ZXDC: variants seen among roughly 807,000 people sequenced by gnomAD.
ZXDC encodes zinc finger protein ZXDC.
A neutral mutation model predicts 63.6 loss-of-function variants in ZXDC; 58 were observed. The ratio of observed to expected loss-of-function variants is 0.91; its 90% CI spans 0.74 to 1.13. ZXDC has a LOEUF of 1.13. ZXDC is among the 50% of genes most tolerant of loss of function. The pLI is 0.00. For synonymous variants in ZXDC, 561 were observed against 496.1 expected (o/e 1.13, Z -1.74); for missense variants, 1,133 against 1,148.9 (o/e 0.99, Z 0.20).
chr3:126,442,653 C>T (rs1933726689), intron 7 of ZXDC: 1 of 152,058 alleles, frequency 6.6e-6, no homozygotes, highest in African/African-American at 2.4e-5. Context: ...GAATGCTAGT[C>T]CCAACCTCGG....
At chr3:126,444,224 G>T (rs891945222) in intron 7 of ZXDC, among the ~76,000 whole-genome samples, 4 of 152,174 alleles carry the variant, frequency 2.6e-5, no homozygotes, top group African/African-American at 9.7e-5. Context: ...TAAAAATACT[G>T]AAACATGTTA....
chr3:126,456,557 C>T (rs1934314800), intron 7 of ZXDC, among the ~76,000 whole-genome samples: 3 of 152,242 alleles, frequency 2.0e-5, no homozygotes, highest in Admixed American at 6.5e-5. Context: ...ACACTTGAAG[C>T]GTCACACTAG....
chr3:126,461,029 A>G, intron 6 of ZXDC: 1 of 984,674 alleles, frequency 1.0e-6, no homozygotes, highest in Non-Finnish European at 1.2e-6. Flanking sequence ...CAGCCTCAAA[A>G]CTGGGGAAGT....
Position 126,461,662 on chromosome 3 carries a change from G to A in ZXDC, c.2000C>T (p.Ser667Phe). ...APIKVEPDSPSRPGAVGQQEG... is the reference protein window; with the variant it reads ...APIKVEPDSPFRPGAVGQQEG... ...CTGCTGCCCAACTGCTCCTGGGCGAGAAGGCGAGTCCGGCTCCACCTTGAT... is the reference window on the plus strand; with the variant it reads ...CTGCTGCCCAACTGCTCCTGGGCGAAAAGGCGAGTCCGGCTCCACCTTGAT... The change falls in exon 6 of 10, where the codon TCT becomes TTT. Residue 667 changes from serine to phenylalanine, a missense_variant. By Grantham distance (155) the Ser-to-Phe change is radical. Transcript: ENST00000389709. 1 of 1,613,880 alleles carries A rather than the reference G, an allele frequency of 6.2e-7. No homozygotes were observed. Among genetic ancestry groups the A allele is most frequent in the Non-Finnish European group, 8.5e-7 (1 of 1,180,004 alleles).
At chr3:126,445,807 G>A (rs1489984366) in intron 7 of ZXDC, among the ~76,000 whole-genome samples, 1 of 152,106 alleles carries the variant, frequency 6.6e-6, no homozygotes, top group Non-Finnish European at 1.5e-5. Context: ...CCTGAGCAGG[G>A]TGTTCTGTCC....
At chr3:126,456,045 G>A (rs1934296204) in intron 7 of ZXDC, among the ~76,000 whole-genome samples, 1 of 151,988 alleles carries the variant, frequency 6.6e-6, no homozygotes, top group Non-Finnish European at 1.5e-5. Context: ...AATCCATACT[G>A]CGAATAAGTA....
Position 126,474,947 on chromosome 3 carries a change from G to A in ZXDC, c.907+12C>T, listed in dbSNP as rs1233189216. The A allele has an allele frequency of 1.3e-6, 2 of 1,555,040 alleles. No homozygotes were observed. The highest frequency in any genetic ancestry group is 1.7e-6 in the Non-Finnish European group (2 of 1,147,850). On this transcript the variant is annotated intron_variant, in intron 1 of 9. Transcript: ENST00000389709. ...CACCGCGCAGCCCGCCCGCCCCCGA[G>A]AGCGCGGTTACCGGGAAAGTCACAC...
rs911752143 is a variant in ZXDC at position 126,455,153 on chromosome 3, A to AT, written c.2212+4499dup. The AT allele has an allele frequency of 6.0e-5, 57 of 950,900 alleles. No homozygotes were observed. The African/African-American group carries it at 8.0e-4, about 13-fold the overall frequency. 58.9% of individuals were successfully genotyped at this position (950,900 alleles called of 1,614,324 possible). On this transcript the variant is annotated intron_variant, in intron 7 of 9. Coordinates refer to ENST00000389709, the MANE Select transcript of ZXDC (RefSeq NM_025112.5). ...TTGAAACCAAAAAATCCCAAACCCA[A>AT]TTTTTTTTCCCTAAACTTAATGCCA...
At chr3:126,448,692 G>A (rs1469420945) in intron 7 of ZXDC, among the ~76,000 whole-genome samples, 1 of 152,212 alleles carries the variant, frequency 6.6e-6, no homozygotes, top group Non-Finnish European at 1.5e-5. Flanking sequence ...GTCCAGAACA[G>A]GGACAGCGTA....
At chr3:126,471,087 AT>A in intron 3 of ZXDC, 62 bp from the exon 4 acceptor site, 1 of 1,568,982 alleles carries the variant, frequency 6.4e-7, no homozygotes, top group Non-Finnish European at 8.7e-7. Flanking sequence ...ATTCTTTAAA[AT>A]TCTACAAAAC....
intron 7 of ZXDC, chr3:126,453,513 C>T (rs1934190689): frequency 1.0e-6 from 1 of 985,290 alleles, no homozygotes; most frequent in South Asian, 4.7e-5. Context: ...TAATAGTTGG[C>T]TTACACATCA....
rs145027284 is a variant in ZXDC at position 126,473,054 on chromosome 3, C to T, written c.908-749G>A. Among the ~76,000 whole-genome samples, 12 of 152,292 alleles carry T rather than the reference C, an allele frequency of 7.9e-5. No individual in the cohort carries two copies. The East Asian group carries it at 2.1e-3, about 27-fold the overall frequency. ...GAGATACTATCATGCCTATGAACTG[C>T]CACACAGATGTACATGGCATAGCAC... On this transcript the variant is annotated intron_variant, in intron 1 of 9. Coordinates refer to ENST00000389709, the MANE Select transcript of ZXDC (RefSeq NM_025112.5).
At chr3:126,444,465 G>A (rs1212785579) in intron 7 of ZXDC, among the ~76,000 whole-genome samples, 1 of 151,984 alleles carries the variant, frequency 6.6e-6, no homozygotes, top group Non-Finnish European at 1.5e-5. Flanking sequence ...CCAGGAGGCA[G>A]AGCTTGCAGT....
intron 7 of ZXDC, chr3:126,458,982 A>C (rs1184652855): frequency 5.1e-6 from 5 of 980,616 alleles, no homozygotes; most frequent in Non-Finnish European, 4.8e-6. Context: ...ATATAAAATC[A>C]TATCAACCCT....
chr3:126,455,250 A>C (rs1472621574), intron 7 of ZXDC: 2 of 222,170 alleles, frequency 9.0e-6, no homozygotes, highest in African/African-American at 4.7e-5. Flanking sequence ...TCCCACTTAG[A>C]TATATTTTGC....
rs1259592362 is a variant in ZXDC, at chr3:126,470,971, T to C, written c.1194A>G (p.Ser398=). The C allele has an allele frequency of 6.2e-7, 1 of 1,614,228 alleles. No homozygotes were observed. ...FTCPVEGCGK[S]FTRAEHLKGH... is the part of the protein sequence containing the mutation. The stretch of plus-strand genomic sequence containing the variant: ...CTTTCAGATGCTCTGCTCTGGTGAA[T>C]GATTTCCCACAGCCCTCGACAGGGC... Residue 398 remains serine, a synonymous_variant, in exon 4 of 10, where the codon TCA becomes TCG. Transcript: ENST00000389709.
intron 7 of ZXDC, among the ~76,000 whole-genome samples, chr3:126,448,570 G>A (rs1933970430): frequency 2.0e-5 from 3 of 152,208 alleles, no homozygotes; most frequent in Admixed American, 2.0e-4. Context: ...TCCCGGGCAG[G>A]CACCAGGGCA....
intron 4 of ZXDC, among the ~76,000 whole-genome samples, chr3:126,467,095 TG>T (rs1157914209): frequency 6.6e-6 from 1 of 151,882 alleles, no homozygotes; most frequent in Non-Finnish European, 1.5e-5. Context: ...GTGCCAACAC[TG>T]AAACATGCAA....
intron 7 of ZXDC, chr3:126,453,758 G>A (rs1383388903): frequency 3.5e-5 from 34 of 974,682 alleles, no homozygotes; most frequent in East Asian, 1.1e-4. Flanking sequence ...GCAATGGTGC[G>A]ATCTTGGCTC....
Sources: gnomAD v4.1 joint callset for allele counts (sites outside exome capture counted in the v4.1 genomes callset) on GRCh38, gnomAD v4.1.1 for gene constraint, MANE v1.5 for transcripts, NCBI Gene and HGNC (gene_info 2026-07-23, HGNC 2026-07-21) for gene names.